The following NEK9 variants were observed in gnomAD, a reference collection of about 807,000 sequenced individuals.
NEK9 encodes the protein NIMA related kinase 9.
A neutral mutation model predicts 123.4 loss-of-function variants in NEK9; 75 were observed. That is an observed-to-expected ratio of 0.61 (90% CI 0.50 to 0.74). The LOEUF (loss-of-function observed/expected upper bound fraction) is 0.74, where lower values mean the gene tolerates loss of function less well. NEK9 is among the 30% of genes least tolerant of loss of function. The pLI, the probability that NEK9 is intolerant of heterozygous loss-of-function variation, is 0.00. For missense variants in NEK9, 952 were observed against 1,214.4 expected (o/e 0.78, Z 3.21); for synonymous variants, 438 against 458.7 (o/e 0.95, Z 0.58).
chr14:75,097,679 G>A (rs1894434306), intron 16 of NEK9, among the ~76,000 whole-genome samples: 1 of 152,168 alleles, frequency 6.6e-6, no homozygotes, highest in Non-Finnish European at 1.5e-5. Flanking sequence ...ATTTAAGGTG[G>A]TGATAAATGC....
In NEK9 at chr14:75,109,778, A is replaced by T; in HGVS notation, c.1089T>A (p.Asp363Glu). Residue 363 changes from aspartate to glutamate, a missense_variant, in exon 10 of 22, where the codon GAT becomes GAA. By Grantham distance (45) the Asp-to-Glu change is conservative. Around this residue, in one of 4 missense-constraint regions of NEK9, gnomAD observed 698 missense variants for 875.6 expected, o/e 0.80. Transcript: ENST00000238616. ...GGGKSTPQKL[D>E]VIKSGCSARQ... The stretch of plus-strand genomic sequence containing the variant: ...GGGCACTACAGCCACTCTTGATAAC[A>T]TCCAGTTTCTGGGGGGTGGATTTTC... 2 of 1,614,134 alleles carry T rather than the reference A, an allele frequency of 1.2e-6. No individual in the cohort carries two copies. Among genetic ancestry groups the T allele is most frequent in the Non-Finnish European group, 1.7e-6 (2 of 1,180,026 alleles).
chr14:75,109,615 C>T, intron 10 of NEK9, 70 bp downstream of exon 10: 1 of 1,407,124 alleles, frequency 7.1e-7, no homozygotes, highest in Non-Finnish European at 9.9e-7. Flanking sequence ...TAATAAAATG[C>T]TTAGACATCG....
intron 11 of NEK9, among the ~76,000 whole-genome samples, 169 bp downstream of exon 11, chr14:75,107,173 CT>C (rs1300227701): frequency 2.6e-5 from 4 of 152,034 alleles, no homozygotes; most frequent in African/African-American, 4.8e-5. Context: ...TCACCACCCC[CT>C]AATACTATAG....
chr14:75,100,421 G>C (rs1408272049), intron 16 of NEK9, among the ~76,000 whole-genome samples: 2 of 152,096 alleles, frequency 1.3e-5, no homozygotes, highest in African/African-American at 4.8e-5. Context: ...ACTCCAGCCT[G>C]GGCAACAAGA....
chr14:75,099,458 G>A (rs1210602945), intron 16 of NEK9, among the ~76,000 whole-genome samples: 4 of 151,714 alleles, frequency 2.6e-5, no homozygotes, highest in African/African-American at 7.3e-5. Context: ...AGAAGGAAGG[G>A]AATGTAGGAT....
chr14:75,085,385 A>C (rs1893989382), intron 21 of NEK9, among the ~76,000 whole-genome samples: 1 of 152,244 alleles, frequency 6.6e-6, no homozygotes, highest in African/African-American at 2.4e-5. Flanking sequence ...TCAGGTGAGA[A>C]ACCAGGGCTC....
intron 13 of NEK9, among the ~76,000 whole-genome samples, chr14:75,104,585 C>A (rs543407319): frequency 6.6e-6 from 1 of 151,886 alleles, no homozygotes; most frequent in Non-Finnish European, 1.5e-5. Flanking sequence ...AGGTTCAAAG[C>A]GATTCTCCTG....
intron 2 of NEK9, among the ~76,000 whole-genome samples, chr14:75,123,267 G>T (rs1895401686): frequency 1.3e-5 from 2 of 152,196 alleles, no homozygotes; most frequent in South Asian, 4.1e-4. Flanking sequence ...TGGGCGTGGT[G>T]GCGCATGCCT....
At chr14:75,106,097 T>C in intron 12 of NEK9, 101 bp from the exon 13 acceptor site, 3 of 1,045,334 alleles carry the variant, frequency 2.9e-6, no homozygotes, top group African/African-American at 1.6e-5. Context: ...GGCTCACACC[T>C]GTAATCCCAG....
chr14:75,127,109 C>A (rs917148618), upstream of NEK9: 1 of 540,006 alleles, frequency 1.9e-6, no homozygotes, highest in Non-Finnish European at 3.2e-6. Context: ...GAGTTTCCTC[C>A]GCCTTTGCTT....
Position 75,120,601 on chromosome 14 carries a change from T to G in NEK9, c.454-21A>C, listed in dbSNP as rs143434717. 152 of 1,593,046 alleles carry G rather than the reference T, an allele frequency of 9.5e-5. 1 individual carries two copies. The African/African-American group carries it at 1.6e-3, about 17-fold the overall frequency. Reference sequence around the variant, plus strand: ...ACCATCTGCAGAGAAAAAATAAATATTTGGATTAGAAACAAAAAGCTCCAT... The same window carrying G: ...ACCATCTGCAGAGAAAAAATAAATAGTTGGATTAGAAACAAAAAGCTCCAT... On this transcript the variant is annotated intron_variant, in intron 3 of 21. Coordinates refer to ENST00000238616, the MANE Select transcript of NEK9 (RefSeq NM_033116.6).
chr14:75,091,207 C>T lies in NEK9; in HGVS notation c.2442+63G>A. On this transcript the variant is annotated intron_variant, in intron 19 of 21. Transcript: ENST00000238616. ...TTGGAAAACTGAGAGACCCTGACAG[C>T]TCTTTCTAGTTCCTGCAAAGGGCCA... is the stretch of plus-strand genomic sequence containing the variant. 8 of 1,380,502 alleles carry T rather than the reference C, an allele frequency of 5.8e-6. No homozygotes were observed. In the South Asian group the frequency reaches 8.5e-5, roughly 15 times the overall value. 85.5% of individuals were successfully genotyped at this position (1,380,502 alleles called of 1,614,324 possible).
intron 9 of NEK9, 78 bp from the exon 10 acceptor site, chr14:75,109,955 T>C: frequency 7.5e-7 from 1 of 1,327,394 alleles, no homozygotes. Context: ...GTCTGTTCCC[T>C]GAGAAGAACT....
intron 20 of NEK9, among the ~76,000 whole-genome samples, chr14:75,087,493 A>T (rs1894067047): frequency 6.6e-6 from 1 of 152,236 alleles, no homozygotes; most frequent in African/African-American, 2.4e-5. Context: ...GACTTTGTGA[A>T]AAATTTTAAA....
At position 75,118,893 on chromosome 14, in the gene NEK9, C is replaced by T; in HGVS notation, c.567G>A (p.Leu189=). The change falls in exon 5 of 22, where the codon CTG becomes CTA. Residue 189 remains leucine, a synonymous_variant. Coordinates refer to ENST00000238616, the MANE Select transcript of NEK9 (RefSeq NM_033116.6). The part of the protein sequence containing the change: ...TLNIFLTKAN[L]IKLGDYGLAK... ...CTAGGCCATAATCTCCAAGTTTTAT[C>T]AGGTTTGCCTTGGTCAGAAAAATAT... 1 of 1,610,220 alleles carries T rather than the reference C, an allele frequency of 6.2e-7. No individual in the cohort carries two copies. Among genetic ancestry groups the T allele is most frequent in the Non-Finnish European group, 8.5e-7 (1 of 1,176,752 alleles).
At chr14:75,123,976 T>C (rs774714311) in intron 2 of NEK9, 70 bp downstream of exon 2, 12 of 1,300,332 alleles carry the variant, frequency 9.2e-6, no homozygotes, top group Non-Finnish European at 1.1e-5. Flanking sequence ...TCTTCTTATA[T>C]TCTTCTCCTC....
intron 20 of NEK9, 131 bp from the exon 21 acceptor site, chr14:75,087,361 A>G: frequency 4.7e-6 from 3 of 633,852 alleles, no homozygotes; most frequent in Admixed American, 2.8e-5. Flanking sequence ...ACATGAATAT[A>G]TGTACGAGAA....
At chr14:75,122,952 C>T (rs1254736397) in intron 2 of NEK9, among the ~76,000 whole-genome samples, 1 of 151,946 alleles carries the variant, frequency 6.6e-6, no homozygotes, top group African/African-American at 2.4e-5. Flanking sequence ...GTGCACACCA[C>T]CCAGCTAATT....
intron 20 of NEK9, 132 bp from the exon 21 acceptor site, chr14:75,087,362 T>C (rs1894062906): frequency 1.1e-5 from 7 of 635,248 alleles, no homozygotes; most frequent in Non-Finnish European, 1.6e-5. Context: ...CATGAATATA[T>C]GTACGAGAAA....
Sources: gnomAD v4.1 joint callset for allele counts (sites outside exome capture counted in the v4.1 genomes callset) on GRCh38, gnomAD v4.1.1 for gene constraint, gnomAD v4.1.1 regional missense constraint, MANE v1.5 for transcripts, NCBI Gene and HGNC (gene_info 2026-07-23, HGNC 2026-07-21) for gene names.